Variants in WDFY2 observed in about 807,000 individuals in gnomAD.
WDFY2 encodes the protein WD repeat and FYVE domain-containing protein 2.
Under a neutral mutation model 56.4 loss-of-function variants are expected in WDFY2, and 36 were observed. That is an observed-to-expected ratio of 0.64 (90% CI 0.49 to 0.84). The LOEUF is 0.84. Ranked by LOEUF, WDFY2 falls within the 40% of genes least tolerant of loss-of-function variation. The pLI is 0.00. For synonymous variants in WDFY2, 176 were observed against 183.7 expected (o/e 0.96, Z 0.34); for missense variants, 444 against 512.2 (o/e 0.87, Z 1.29).
chr13:51,687,641 T>C (rs1956083138), intron 3 of WDFY2, among the ~76,000 whole-genome samples: 1 of 152,120 alleles, frequency 6.6e-6, no homozygotes. Context: ...GTATTATTTC[T>C]TTATTTTTCA....
At chr13:51,694,712 A>C (rs1319888448) in intron 3 of WDFY2, among the ~76,000 whole-genome samples, 1 of 151,988 alleles carries the variant, frequency 6.6e-6, no homozygotes, top group Non-Finnish European at 1.5e-5. Flanking sequence ...GTATTTCCTG[A>C]GTCTGAATGT....
chr13:51,759,780 A>C lies in WDFY2; in HGVS notation c.*11A>C, dbSNP rs770443547. The C allele has an allele frequency of 1.5e-5, 24 of 1,613,674 alleles. No homozygotes were observed. The highest frequency in any genetic ancestry group is 2.0e-5 in the Non-Finnish European group (24 of 1,179,692). On this transcript the variant is annotated 3_prime_UTR_variant, in exon 12 of 12. Coordinates refer to ENST00000298125, the MANE Select transcript of WDFY2 (RefSeq NM_052950.4). ...CCAGTCGTGTCTTGATGACTCTCCC[A>C]GGAATCAGAAAGATAGTATTTACTA...
At chr13:51,683,802 T>A (rs1956016329) in intron 3 of WDFY2, among the ~76,000 whole-genome samples, 1 of 152,146 alleles carries the variant, frequency 6.6e-6, no homozygotes, top group Non-Finnish European at 1.5e-5. Context: ...AGGGGAGTGG[T>A]ATTAGGTATG....
chr13:51,608,258 G>A (rs1954421232), intron 1 of WDFY2, among the ~76,000 whole-genome samples: 1 of 152,192 alleles, frequency 6.6e-6, no homozygotes, highest in East Asian at 1.9e-4. Flanking sequence ...AGAAATACAT[G>A]GTTATTGGCC....
chr13:51,611,057 G>T (rs1183019524), intron 1 of WDFY2, among the ~76,000 whole-genome samples: 1 of 152,188 alleles, frequency 6.6e-6, no homozygotes, highest in African/African-American at 2.4e-5. Context: ...CTGCTAATTG[G>T]AGTCCAGCTT....
chr13:51,628,325 A>G (rs936363917), intron 1 of WDFY2, among the ~76,000 whole-genome samples: 2 of 152,208 alleles, frequency 1.3e-5, no homozygotes, highest in Non-Finnish European at 2.9e-5. Context: ...ACACCCGACC[A>G]TGTCACGGCA....
At chr13:51,714,798 G>A (rs754595973) in intron 4 of WDFY2, among the ~76,000 whole-genome samples, 1 of 152,188 alleles carries the variant, frequency 6.6e-6, no homozygotes, top group Non-Finnish European at 1.5e-5. Context: ...ATTGTTAGGC[G>A]ATTTCAGTGT....
At chr13:51,616,740 A>T (rs1954624430) in intron 1 of WDFY2, among the ~76,000 whole-genome samples, 1 of 152,210 alleles carries the variant, frequency 6.6e-6, no homozygotes, top group Non-Finnish European at 1.5e-5. Flanking sequence ...GGAGGCTGGA[A>T]AGTGCTATCC....
At chr13:51,624,403 C>G (rs1357507291) in intron 1 of WDFY2, among the ~76,000 whole-genome samples, 1 of 152,152 alleles carries the variant, frequency 6.6e-6, no homozygotes, top group Non-Finnish European at 1.5e-5. Flanking sequence ...GTGTTGAGTT[C>G]TTGATATGAC....
intron 3 of WDFY2, among the ~76,000 whole-genome samples, chr13:51,700,985 A>T (rs1951972644): frequency 6.6e-6 from 1 of 152,142 alleles, no homozygotes; most frequent in Non-Finnish European, 1.5e-5. Context: ...AGAATGTTAT[A>T]CTACATCCTA....
chr13:51,728,103 C>T (rs373622601), intron 6 of WDFY2, among the ~76,000 whole-genome samples: 3 of 152,212 alleles, frequency 2.0e-5, no homozygotes, highest in South Asian at 2.1e-4. Flanking sequence ...CATGTGGCCT[C>T]GGACGGCTCA....
intron 4 of WDFY2, among the ~76,000 whole-genome samples, chr13:51,718,884 G>T (rs1952425430): frequency 6.6e-6 from 1 of 152,232 alleles, no homozygotes; most frequent in Non-Finnish European, 1.5e-5. Context: ...TCTGAGGGAG[G>T]TGGCCCAGGC....
intron 4 of WDFY2, among the ~76,000 whole-genome samples, chr13:51,711,019 C>G (rs528688623): frequency 6.6e-6 from 1 of 152,094 alleles, no homozygotes; most frequent in Non-Finnish European, 1.5e-5. Context: ...GGAGGCATCA[C>G]GCTACCTGAC....
At chr13:51,652,343 C>T (rs1300231937) in intron 1 of WDFY2, among the ~76,000 whole-genome samples, 2 of 152,172 alleles carry the variant, frequency 1.3e-5, no homozygotes, top group Non-Finnish European at 2.9e-5. Context: ...ACTGATAGGT[C>T]TTGACTCTTC....
intron 7 of WDFY2, 150 bp from the exon 8 acceptor site, chr13:51,751,160 T>G: frequency 1.6e-6 from 1 of 630,366 alleles, no homozygotes; most frequent in South Asian, 2.0e-5. Context: ...TCTTCTGACC[T>G]TTAACATGCT....
intron 4 of WDFY2, among the ~76,000 whole-genome samples, chr13:51,713,374 C>G: frequency 6.6e-6 from 1 of 152,122 alleles, no homozygotes. Flanking sequence ...GAGGCTCAAG[C>G]AGATATATGT....
At chr13:51,745,489 G>A (rs572899376) in intron 7 of WDFY2, among the ~76,000 whole-genome samples, 3 of 151,984 alleles carry the variant, frequency 2.0e-5, no homozygotes, top group Non-Finnish European at 4.4e-5. Flanking sequence ...TGTCTTAACT[G>A]GACAAGATTT....
At chr13:51,714,100 A>G (rs1416873244) in intron 4 of WDFY2, among the ~76,000 whole-genome samples, 3 of 151,794 alleles carry the variant, frequency 2.0e-5, no homozygotes, top group African/African-American at 7.3e-5. Context: ...TCAGTTGTAA[A>G]TTTTTTGTTA....
rs1566250940 is a variant in WDFY2, at chr13:51,761,422, C to G, written c.*1653C>G. Reference sequence around the variant, plus strand: ...GCCTGCCCCTCCTAAGCACTTTACACGCACAGCTCATTCAACCTCACGTGT... The same window carrying G: ...GCCTGCCCCTCCTAAGCACTTTACAGGCACAGCTCATTCAACCTCACGTGT... On this transcript the variant is annotated 3_prime_UTR_variant, in exon 12 of 12. Transcript: ENST00000298125. 1 of 152,188 alleles carries G rather than the reference C, an allele frequency of 6.6e-6. No individual in the cohort carries two copies. Among genetic ancestry groups the G allele is most frequent in the Non-Finnish European group, 1.5e-5 (1 of 68,046 alleles). The allele number at this position is 152,188 out of a possible 1,614,324, so 9.4% of individuals were successfully genotyped here.
Sources: gnomAD v4.1 joint callset for allele counts (sites outside exome capture counted in the v4.1 genomes callset) on GRCh38, gnomAD v4.1.1 for gene constraint, MANE v1.5 for transcripts, NCBI Gene and HGNC (gene_info 2026-07-23, HGNC 2026-07-21) for gene names.